Variants in XNDC1N observed in about 807,000 individuals in gnomAD.
XNDC1N encodes the protein XRCC1 N-terminal domain containing 1, N-terminal like.
chr11:71,921,273 C>T, the XNDC1N span, among the ~76,000 whole-genome samples: 1 of 152,176 alleles, frequency 6.6e-6, no homozygotes, highest in Admixed American at 6.5e-5. Context: ...CCACCTCAGT[C>T]TCCTGAGGAG....
At chr11:71,923,410 TTC>T in the XNDC1N span, 1 of 701,396 alleles carries the variant, frequency 1.4e-6, no homozygotes, top group African/African-American at 1.8e-5. Context: ...TCAAGATTTC[TTC>T]TGTCACTACT....
chr11:71,928,323 C>G, the XNDC1N span: 1 of 616,704 alleles, frequency 1.6e-6, no homozygotes, highest in African/African-American at 1.8e-5. Flanking sequence ...TCCTCCCTCT[C>G]GGCCACTCCC....
chr11:71,895,051 A>C, the XNDC1N span, among the ~76,000 whole-genome samples: 1 of 152,164 alleles, frequency 6.6e-6, no homozygotes, highest in South Asian at 2.1e-4. Context: ...GGAGTTAAAA[A>C]TGATGAGGCC....
At chr11:71,872,707 G>A in the XNDC1N span, among the ~76,000 whole-genome samples, 1 of 152,086 alleles carries the variant, frequency 6.6e-6, no homozygotes, top group African/African-American at 2.4e-5. Flanking sequence ...TAGCCTGGGT[G>A]ACAGAGCAAG....
At chr11:71,920,028 G>A in the XNDC1N span, among the ~76,000 whole-genome samples, 1 of 127,906 alleles carries the variant, frequency 7.8e-6, no homozygotes, top group Non-Finnish European at 1.6e-5. Flanking sequence ...TGCAATCTCG[G>A]CTCACCGAAA....
At chr11:71,894,837 T>C in the XNDC1N span, among the ~76,000 whole-genome samples, 3 of 152,370 alleles carry the variant, frequency 2.0e-5, no homozygotes, top group South Asian at 4.1e-4. Flanking sequence ...GGTTTCACTA[T>C]ACATAATTTT....
chr11:71,880,771 A>G, the XNDC1N span, among the ~76,000 whole-genome samples: 10 of 152,172 alleles, frequency 6.6e-5, no homozygotes, highest in African/African-American at 2.2e-4. Flanking sequence ...CATTGACTCA[A>G]TGGTTGTTCA....
chr11:71,913,200 A>G, the XNDC1N span, among the ~76,000 whole-genome samples: 2 of 152,096 alleles, frequency 1.3e-5, no homozygotes, highest in South Asian at 2.1e-4. Context: ...ATTGGGAGTC[A>G]TATCATCCTC....
the XNDC1N span, chr11:71,904,150 C>T: frequency 1.1e-5 from 5 of 458,444 alleles, no homozygotes; most frequent in African/African-American, 1.0e-4. Context: ...CTGTTCCATT[C>T]CTTTTGTAGG....
At chr11:71,908,054 C>T in the XNDC1N span, among the ~76,000 whole-genome samples, 119,968 of 152,134 alleles carry the variant, frequency 0.79, 50,331 homozygotes, top group Non-Finnish European at 0.94. Context: ...CGATATAGAA[C>T]GTAATATCAT....
At chr11:71,917,849 G>A in the XNDC1N span, 4 of 677,360 alleles carry the variant, frequency 5.9e-6, no homozygotes, top group Non-Finnish European at 8.1e-6. Context: ...GTGGAAGGAG[G>A]ACACTCCTCT....
the XNDC1N span, among the ~76,000 whole-genome samples, chr11:71,899,348 G>A: frequency 2.0e-5 from 3 of 152,276 alleles, no homozygotes; most frequent in Middle Eastern, 3.4e-3. Context: ...GCCCAGCAGA[G>A]GGGAAGGGCA....
the XNDC1N span, among the ~76,000 whole-genome samples, chr11:71,896,417 A>C: frequency 6.6e-6 from 1 of 152,254 alleles, no homozygotes; most frequent in Non-Finnish European, 1.5e-5. Flanking sequence ...GGAATAAGTG[A>C]GTTCTAGTGT....
At chr11:71,912,766 C>T in the XNDC1N span, among the ~76,000 whole-genome samples, 1 of 152,078 alleles carries the variant, frequency 6.6e-6, no homozygotes, top group Non-Finnish European at 1.5e-5. Context: ...ACAGACCCTG[C>T]GACCTTTGCT....
the XNDC1N span, chr11:71,893,454 T>A: frequency 1.4e-6 from 1 of 721,018 alleles, no homozygotes. Context: ...TCTCAAGGTG[T>A]CCAAGACACA....
the XNDC1N span, among the ~76,000 whole-genome samples, chr11:71,898,410 C>G: frequency 6.6e-5 from 10 of 152,158 alleles, no homozygotes; most frequent in East Asian, 1.9e-3. Flanking sequence ...AGTTCGAGAA[C>G]AGCCTGGCCA....
At chr11:71,913,632 C>A in the XNDC1N span, among the ~76,000 whole-genome samples, 3 of 140,690 alleles carry the variant, frequency 2.1e-5, no homozygotes, top group Non-Finnish European at 4.5e-5. Flanking sequence ...GCACTCCAGC[C>A]TGGGTGACAG....
At chr11:71,925,407 G>C in the XNDC1N span, among the ~76,000 whole-genome samples, 1 of 152,128 alleles carries the variant, frequency 6.6e-6, no homozygotes, top group African/African-American at 2.4e-5. Context: ...AGCAATAGCA[G>C]TAACAAGCTC....
At chr11:71,903,963 A>C in the XNDC1N span, 1 of 500,184 alleles carries the variant, frequency 2.0e-6, no homozygotes, top group Non-Finnish European at 4.0e-6. Context: ...CAGGCGTTGG[A>C]GGGTACCTCG....
Sources: allele counts gnomAD v4.1 joint callset (sites outside exome capture counted in the v4.1 genomes callset), GRCh38; gene constraint gnomAD v4.1.1; transcripts MANE v1.5; gene names NCBI Gene and HGNC (gene_info 2026-07-23, HGNC 2026-07-21).